RAB3C: variants seen among roughly 807,000 people sequenced by gnomAD.
RAB3C encodes RAB3C, member RAS oncogene family.
In RAB3C, 17 loss-of-function variants were observed where a neutral mutation model predicts 26.4. That is an observed-to-expected ratio of 0.64 (90% CI 0.44 to 0.97). RAB3C has a LOEUF of 0.97. Ranked by LOEUF, RAB3C falls within the 50% of genes least tolerant of loss-of-function variation. The pLI, the probability that RAB3C is intolerant of heterozygous loss-of-function variation, is 0.00. For synonymous variants in RAB3C, 91 were observed against 95.9 expected (o/e 0.95, Z 0.30); for missense variants, 242 against 281.9 (o/e 0.86, Z 1.01).
intron 3 of RAB3C, among the ~76,000 whole-genome samples, chr5:58,729,213 C>T (rs960873218): frequency 4.6e-5 from 7 of 151,918 alleles, no homozygotes; most frequent in South Asian, 2.1e-4. Context: ...CAGTACAATA[C>T]AATACAATAT....
intron 2 of RAB3C, among the ~76,000 whole-genome samples, chr5:58,618,441 C>G (rs1214352315): frequency 6.6e-6 from 1 of 152,096 alleles, no homozygotes; most frequent in Non-Finnish European, 1.5e-5. Flanking sequence ...GCAAATAAAA[C>G]AAATGAAATG....
At chr5:58,614,043 G>A (rs1381745084) in intron 1 of RAB3C, among the ~76,000 whole-genome samples, 4 of 152,092 alleles carry the variant, frequency 2.6e-5, no homozygotes, top group Non-Finnish European at 4.4e-5. Flanking sequence ...GACATGGGAT[G>A]GGTGGGAAGT....
intron 3 of RAB3C, among the ~76,000 whole-genome samples, chr5:58,821,112 C>T (rs988786211): frequency 1.3e-5 from 2 of 152,158 alleles, no homozygotes; most frequent in African/African-American, 4.8e-5. Flanking sequence ...CAAATTTCCT[C>T]AAGGACTCAT....
intron 2 of RAB3C, among the ~76,000 whole-genome samples, chr5:58,646,472 A>G (rs1251992520): frequency 1.3e-5 from 2 of 151,698 alleles, no homozygotes; most frequent in Non-Finnish European, 2.9e-5. Context: ...AAAAGAAAAC[A>G]TTAACAGCGC....
intron 4 of RAB3C, among the ~76,000 whole-genome samples, chr5:58,826,574 G>A (rs1210567932): frequency 1.3e-5 from 2 of 152,074 alleles, no homozygotes; most frequent in Non-Finnish European, 2.9e-5. Context: ...AGGACCTGCA[G>A]TAAGAAATAC....
intron 3 of RAB3C, among the ~76,000 whole-genome samples, chr5:58,813,778 AAT>A (rs1359299413): frequency 3.3e-5 from 5 of 152,004 alleles, no homozygotes; most frequent in African/African-American, 1.2e-4. Flanking sequence ...ATATTCAGTG[AAT>A]GCACACATAC....
intron 3 of RAB3C, among the ~76,000 whole-genome samples, chr5:58,749,550 C>A (rs1033063656): frequency 2.6e-5 from 4 of 152,114 alleles, no homozygotes; most frequent in African/African-American, 9.7e-5. Flanking sequence ...ATAAAGCCTT[C>A]ACAGGGAAGG....
At chr5:58,684,153 C>CATTTTAA (rs1161105531) in intron 2 of RAB3C, among the ~76,000 whole-genome samples, 3 of 152,058 alleles carry the variant, frequency 2.0e-5, no homozygotes, top group Admixed American at 6.6e-5. Context: ...CTAAACAATA[C>CATTTTAA]CGTATAACAA....
At chr5:58,793,100 A>G (rs910879525) in intron 3 of RAB3C, among the ~76,000 whole-genome samples, 1 of 152,100 alleles carries the variant, frequency 6.6e-6, no homozygotes, top group South Asian at 2.1e-4. Flanking sequence ...CAGCAGCCCA[A>G]ACAGAAAAAT....
intron 1 of RAB3C, among the ~76,000 whole-genome samples, chr5:58,599,190 T>G (rs1468073365): frequency 6.6e-6 from 1 of 152,184 alleles, no homozygotes; most frequent in Non-Finnish European, 1.5e-5. Context: ...TGGAATGCTC[T>G]TTTTCAGAGA....
chr5:58,849,787 C>T (rs17359529), intron 4 of RAB3C, among the ~76,000 whole-genome samples: 31,938 of 152,054 alleles, frequency 0.21, 3,561 homozygotes, highest in Non-Finnish European at 0.26. Flanking sequence ...TTTTAACTCA[C>T]GACACTTGCC....
chr5:58,805,520 C>T (rs765703207), intron 3 of RAB3C, among the ~76,000 whole-genome samples: 36 of 145,946 alleles, frequency 2.5e-4, no homozygotes, highest in Non-Finnish European at 4.8e-4. Flanking sequence ...GGGAGGCAGA[C>T]GTTGCAGTGA....
At chr5:58,711,387 T>A (rs1042171861) in intron 2 of RAB3C, among the ~76,000 whole-genome samples, 1 of 152,234 alleles carries the variant, frequency 6.6e-6, no homozygotes, top group Non-Finnish European at 1.5e-5. Context: ...TTTTCTCATT[T>A]ATGGCTTGCA....
intron 1 of RAB3C, among the ~76,000 whole-genome samples, chr5:58,601,349 C>T (rs564964793): frequency 2.0e-5 from 3 of 152,126 alleles, no homozygotes; most frequent in Non-Finnish European, 4.4e-5. Context: ...TAAGGTGATG[C>T]TGGCTTCATA....
At chr5:58,680,626 G>A (rs556697507) in intron 2 of RAB3C, among the ~76,000 whole-genome samples, 214 of 152,128 alleles carry the variant, frequency 1.4e-3, no homozygotes, top group Non-Finnish European at 2.4e-3. Context: ...GCTTCTTTCC[G>A]GCTGGAGGAT....
At chr5:58,833,606 T>C (rs759507182) in intron 4 of RAB3C, among the ~76,000 whole-genome samples, 2 of 152,104 alleles carry the variant, frequency 1.3e-5, no homozygotes, top group Non-Finnish European at 2.9e-5. Context: ...ATTAAAATCA[T>C]TGTGGAGGGA....
chr5:58,747,593 G>A (rs2111957298), intron 3 of RAB3C, among the ~76,000 whole-genome samples: 1 of 152,116 alleles, frequency 6.6e-6, no homozygotes, highest in African/African-American at 2.4e-5. Context: ...TCTGGCAAAA[G>A]CAAGTGAGCT....
intron 1 of RAB3C, among the ~76,000 whole-genome samples, chr5:58,597,608 AACAATATAT>A (rs1468951505): frequency 5.2e-5 from 7 of 134,206 alleles, no homozygotes; most frequent in South Asian, 2.4e-4. Flanking sequence ...ATAAGCATAT[AACAATATAT>A]AGTTCATTAT....
chr5:58,660,794 A>G lies in RAB3C; in HGVS notation c.252+42924A>G, dbSNP rs1306944252. 1.3e-5 allele frequency among the ~76,000 whole-genome samples: 2 copies of G among 150,098 alleles called. 1 individual carries two copies. The highest frequency in any genetic ancestry group is 5.1e-5 in the African/African-American group (2 of 39,518). On this transcript the variant is annotated intron_variant, in intron 2 of 4. Coordinates refer to ENST00000282878, the MANE Select transcript of RAB3C (RefSeq NM_138453.4). ...CAAGTCTGCCATTTTAGATTCCTTT[A>G]TTTTAATCATAAGGAAAAAAGAGAG...
Sources: gnomAD v4.1 joint callset for allele counts (sites outside exome capture counted in the v4.1 genomes callset) on GRCh38, gnomAD v4.1.1 for gene constraint, MANE v1.5 for transcripts, NCBI Gene and HGNC (gene_info 2026-07-23, HGNC 2026-07-21) for gene names.